The following COL14A1 variants were observed in gnomAD, a reference collection of about 807,000 sequenced individuals.
COL14A1 encodes the protein collagen type XIV alpha 1 chain, also known as collagen alpha-1(XIV) chain.
Under a neutral mutation model 230.3 loss-of-function variants are expected in COL14A1, and 136 were observed. The ratio of observed to expected loss-of-function variants is 0.59; its 90% CI spans 0.51 to 0.68. COL14A1 has a LOEUF of 0.68. COL14A1 is among the 30% of genes least tolerant of loss of function. COL14A1 has a pLI of 0.00. For synonymous variants in COL14A1, 792 were observed against 784.1 expected (o/e 1.01, Z -0.17); for missense variants, 1,976 against 2,215.8 (o/e 0.89, Z 2.17).
Position 120,255,298 on chromosome 8 carries a change from C to A in COL14A1, c.2811C>A (p.Ala937=), listed in dbSNP as rs747573392. The change falls in exon 23 of 48, where the codon GCC becomes GCA. Residue 937 remains alanine, a synonymous_variant. Coordinates refer to ENST00000297848, the MANE Select transcript of COL14A1 (RefSeq NM_021110.4). ...ATGTTGAAATGACCAGCTTGTGTGC[C>A]CACTGGCAGGTACATCGCCATGCCA... The part of the protein sequence containing the change: ...AKHVEMTSLC[A]HWQVHRHATA... 17 of 1,614,112 alleles carry A rather than the reference C, an allele frequency of 1.1e-5. No homozygotes were observed. Among genetic ancestry groups the A allele is most frequent in the Non-Finnish European group, 1.4e-5 (17 of 1,180,002 alleles).
chr8:120,216,527 T>C (rs1002071698), intron 14 of COL14A1, 37 bp downstream of exon 14: 4 of 1,587,688 alleles, frequency 2.5e-6, no homozygotes, highest in Non-Finnish European at 2.6e-6. Flanking sequence ...TTTTAGGTAG[T>C]GGCGTGCTAG....
intron 33 of COL14A1, among the ~76,000 whole-genome samples, chr8:120,286,893 A>T (rs923349449): frequency 6.6e-6 from 1 of 152,162 alleles, no homozygotes; most frequent in Non-Finnish European, 1.5e-5. Context: ...ACCTGTGGTG[A>T]TCATTGGGGT....
At chr8:120,157,566 G>A (rs1815520641) in intron 2 of COL14A1, among the ~76,000 whole-genome samples, 1 of 152,148 alleles carries the variant, frequency 6.6e-6, no homozygotes, top group Non-Finnish European at 1.5e-5. Flanking sequence ...CTAACACTTG[G>A]TCTTAGTTCT....
chr8:120,147,734 G>C (rs185295679), intron 1 of COL14A1, 72 bp from the exon 2 acceptor site: 16 of 721,098 alleles, frequency 2.2e-5, no homozygotes, highest in Admixed American at 2.0e-4. Flanking sequence ...TGGCTTATTC[G>C]CCTGTCCTAA....
chr8:120,264,091 C>T (rs1363231361), intron 24 of COL14A1, among the ~76,000 whole-genome samples: 1 of 152,080 alleles, frequency 6.6e-6, no homozygotes, highest in Non-Finnish European at 1.5e-5. Context: ...TCCATCAACC[C>T]AAAGAACATT....
At chr8:120,358,646 A>T (rs985996534) in intron 45 of COL14A1, among the ~76,000 whole-genome samples, 1 of 151,530 alleles carries the variant, frequency 6.6e-6, no homozygotes, top group Non-Finnish European at 1.5e-5. Flanking sequence ...AGATTTGGTT[A>T]TACTAGATAA....
chr8:120,319,843 C>A (rs1366339015), intron 40 of COL14A1, among the ~76,000 whole-genome samples: 1 of 151,346 alleles, frequency 6.6e-6, no homozygotes, highest in Non-Finnish European at 1.5e-5. Context: ...CTTTAAAAAG[C>A]AATAGTGCAA....
Position 120,199,672 on chromosome 8 carries a change from C to A in COL14A1, c.877+106C>A, listed in dbSNP as rs1014703807. ...TTCACTGAAAGCCAGGAGACCTGAG[C>A]ACTTTCTAGTCTTGGCACTTGTCAT... On this transcript the variant is annotated intron_variant, in intron 8 of 47. Coordinates refer to ENST00000297848, the MANE Select transcript of COL14A1 (RefSeq NM_021110.4). The A allele has an allele frequency of 4.2e-6, 5 of 1,186,112 alleles. No homozygotes were observed. In the African/African-American group the frequency reaches 8.0e-5, roughly 19 times the overall value. The allele number at this position is 1,186,112 out of a possible 1,614,324, so 73.5% of individuals were successfully genotyped here.
intron 20 of COL14A1, among the ~76,000 whole-genome samples, chr8:120,246,509 TA>T (rs1190421907): frequency 6.6e-6 from 1 of 152,218 alleles, no homozygotes. Context: ...ATCACAGACT[TA>T]AGCAACAATT....
At chr8:120,151,688 T>G (rs933773747) in intron 2 of COL14A1, among the ~76,000 whole-genome samples, 1 of 143,164 alleles carries the variant, frequency 7.0e-6, no homozygotes, top group Non-Finnish European at 1.5e-5. Flanking sequence ...GGCAGAATAA[T>G]GTACCTGCAA....
intron 21 of COL14A1, 62 bp from the exon 22 acceptor site, chr8:120,250,555 T>C: frequency 6.4e-7 from 1 of 1,557,762 alleles, no homozygotes. Flanking sequence ...CAATTTGATC[T>C]AAGAGTGCTT....
Position 120,147,873 on chromosome 8 carries a change from T to C in COL14A1, c.31T>C (p.Trp11Arg). 1 of 1,614,114 alleles carries C rather than the reference T, an allele frequency of 6.2e-7. No homozygotes were observed. The highest frequency in any genetic ancestry group is 8.5e-7 in the Non-Finnish European group (1 of 1,179,982). MKIFQRKMRY[W>R]LLPPFLAIVY... ...GATTTTCCAGCGCAAGATGCGGTAC[T>C]GGTTGCTTCCACCTTTTTTGGCAAT... Residue 11 changes from tryptophan (W) to arginine (R), a missense_variant, in exon 2 of 48, where the codon TGG becomes CGG. Trp to Arg is a moderately radical substitution (Grantham distance 101). This residue lies in a region of COL14A1 where 181 missense variants were observed against 178.6 expected (regional missense o/e 1.01). Transcript: ENST00000297848.
At chr8:120,292,532 G>A (rs911006762) in intron 34 of COL14A1, among the ~76,000 whole-genome samples, 2 of 152,092 alleles carry the variant, frequency 1.3e-5, no homozygotes, top group Non-Finnish European at 2.9e-5. Context: ...TGGAAACTCA[G>A]ACTTGCTTTT....
chr8:120,226,451 C>T (rs1358607588), intron 15 of COL14A1, among the ~76,000 whole-genome samples, 176 bp from the exon 16 acceptor site: 1 of 152,100 alleles, frequency 6.6e-6, no homozygotes, highest in Non-Finnish European at 1.5e-5. Flanking sequence ...TTGGTGAATG[C>T]TGGAAACAGA....
At chr8:120,152,086 G>A in intron 2 of COL14A1, among the ~76,000 whole-genome samples, 1 of 152,174 alleles carries the variant, frequency 6.6e-6, no homozygotes, top group Admixed American at 6.5e-5. Context: ...CTGACCCCTA[G>A]AACTGTAAGA....
At chr8:120,195,105 T>C (rs1816984539) in intron 5 of COL14A1, among the ~76,000 whole-genome samples, 1 of 152,206 alleles carries the variant, frequency 6.6e-6, no homozygotes, top group Non-Finnish European at 1.5e-5. Context: ...AAATTCATTT[T>C]TTCCCCATCT....
intron 41 of COL14A1, 141 bp downstream of exon 41, chr8:120,332,335 C>A: frequency 1.3e-6 from 1 of 764,632 alleles, no homozygotes; most frequent in South Asian, 1.9e-5. Flanking sequence ...GAGAACTCTC[C>A]CTAAAACTTT....
At position 120,280,065 on chromosome 8, in the gene COL14A1, G is replaced by A. The variant is rs1563714483; in HGVS notation, c.3612G>A (p.Glu1204=). The part of the protein sequence containing the change: ...DFDAFKKIED[E]LITFVCETAS... The stretch of plus-strand genomic sequence containing the variant: ...ACGCCTTTAAGAAAATCGAAGATGA[G>A]TTAATTACTTTTGTCTGCGAAACAG... Residue 1204 remains glutamate (E), a synonymous_variant, in exon 29 of 48, where the codon GAG becomes GAA. Coordinates refer to ENST00000297848, the MANE Select transcript of COL14A1 (RefSeq NM_021110.4). The A allele has an allele frequency of 1.2e-6, 2 of 1,613,788 alleles. No individual in the cohort carries two copies. The highest frequency in any genetic ancestry group is 1.7e-6 in the Non-Finnish European group (2 of 1,179,798).
chr8:120,259,085 A>C lies in COL14A1; in HGVS notation c.2869+3729A>C, dbSNP rs148090721. On this transcript the variant is annotated intron_variant, in intron 23 of 47. Transcript: ENST00000297848. ...TTTATTGACAAGGATAGAGAACTGCAGCATAGTGGAGAGCCTACCTTACCA... is the reference window on the plus strand; with the variant it reads ...TTTATTGACAAGGATAGAGAACTGCCGCATAGTGGAGAGCCTACCTTACCA... Among the ~76,000 whole-genome samples, 1,063 of 152,298 alleles carry C rather than the reference A, an allele frequency of 7.0e-3. 14 individuals carry two copies. The highest frequency in any genetic ancestry group is 0.024 in the African/African-American group (985 of 41,548).
Sources: allele counts gnomAD v4.1 joint callset (sites outside exome capture counted in the v4.1 genomes callset), GRCh38; gene constraint gnomAD v4.1.1; regional missense constraint gnomAD v4.1.1; transcripts MANE v1.5; gene names NCBI Gene and HGNC (gene_info 2026-07-23, HGNC 2026-07-21).